Variants in HELZ observed in about 807,000 individuals in gnomAD.
The protein encoded by HELZ is helicase with zinc finger.
In HELZ, 23 loss-of-function variants were observed where a neutral mutation model predicts 218.2. The observed-to-expected ratio is 0.11, with a 90% CI of 0.08 to 0.15. The LOEUF (loss-of-function observed/expected upper bound fraction) is 0.15, where lower values mean the gene tolerates loss of function less well. HELZ is among the 10% of genes least tolerant of loss of function. The pLI, the probability that HELZ is intolerant of heterozygous loss-of-function variation, is 1.00. For synonymous variants in HELZ, 814 were observed against 829.4 expected (o/e 0.98, Z 0.32); for missense variants, 1,813 against 2,353.7 (o/e 0.77, Z 4.75).
At chr17:67,150,712 A>G (rs2038656526) in intron 18 of HELZ, among the ~76,000 whole-genome samples, 2 of 152,210 alleles carry the variant, frequency 1.3e-5, no homozygotes, top group South Asian at 4.1e-4. Context: ...TCAATAATAA[A>G]CATCATCTGA....
At chr17:67,161,941 T>C (rs2039005138) in intron 15 of HELZ, among the ~76,000 whole-genome samples, 1 of 152,098 alleles carries the variant, frequency 6.6e-6, no homozygotes, top group African/African-American at 2.4e-5. Flanking sequence ...GAGAGGGATG[T>C]GAATCAAAAT....
intron 15 of HELZ, among the ~76,000 whole-genome samples, chr17:67,164,653 G>A (rs2039086885): frequency 6.6e-6 from 1 of 152,020 alleles, no homozygotes; most frequent in Admixed American, 6.6e-5. Flanking sequence ...AGATAAGGAG[G>A]CAAATAAGTA....
chr17:67,224,536 G>A (rs2040839196), intron 3 of HELZ: 2 of 388,434 alleles, frequency 5.1e-6, no homozygotes, highest in African/African-American at 2.1e-5. Context: ...CAAATGAGCT[G>A]ATAATTGTCT....
chr17:67,161,922 G>T (rs1203822354), intron 15 of HELZ, among the ~76,000 whole-genome samples: 1 of 151,966 alleles, frequency 6.6e-6, no homozygotes, highest in Non-Finnish European at 1.5e-5. Flanking sequence ...CAACAACTAT[G>T]GTAAAAATGA....
chr17:67,133,906 T>C (rs1489628249), intron 23 of HELZ, among the ~76,000 whole-genome samples: 1 of 152,232 alleles, frequency 6.6e-6, no homozygotes, highest in East Asian at 1.9e-4. Flanking sequence ...TCAAATTGTA[T>C]GTGCTGTCTC....
At chr17:67,096,574 C>T (rs2036755816) in intron 31 of HELZ, among the ~76,000 whole-genome samples, 1 of 152,216 alleles carries the variant, frequency 6.6e-6, no homozygotes, top group Admixed American at 6.5e-5. Context: ...TGCTGTTTCA[C>T]CTTGCACTTT....
At position 67,138,122 on chromosome 17, in the gene HELZ, A is replaced by T. The variant is rs754102914; in HGVS notation, c.2770-8T>A. 1.9e-6 allele frequency: 3 copies of T among 1,605,908 alleles called. No homozygotes were observed. The Admixed American group carries it at 5.0e-5, about 27-fold the overall frequency. On this transcript the variant is annotated splice_region_variant and splice_polypyrimidine_tract_variant and intron_variant, in intron 21 of 32. Coordinates refer to ENST00000358691, the MANE Select transcript of HELZ (RefSeq NM_014877.4). ...TTCCACCACTTCAAACACCTTTAAA[A>T]ACAAACACACACATACATATTAAAG... is the stretch of plus-strand genomic sequence containing the variant.
chr17:67,178,963 GA>G lies in HELZ; in HGVS notation c.1163-38del, dbSNP rs977989510. On this transcript the variant is annotated intron_variant, in intron 12 of 32. Coordinates refer to ENST00000358691, the MANE Select transcript of HELZ (RefSeq NM_014877.4). Reference sequence around the variant, plus strand: ...CAAAAAACACATTTATAAAGAAACAGAACATTAAAATTTTTAAATAACATTA... The same window carrying G: ...CAAAAAACACATTTATAAAGAAACAGACATTAAAATTTTTAAATAACATTA... 3 of 1,420,186 alleles carry G rather than the reference GA, an allele frequency of 2.1e-6. No individual in the cohort carries two copies. In the African/African-American group the frequency reaches 4.3e-5, roughly 20 times the overall value. 88.0% of individuals were successfully genotyped at this position (1,420,186 alleles called of 1,614,324 possible).
At position 67,086,633 on chromosome 17, in the gene HELZ, T is replaced by TATAA. The variant is rs1162931301; in HGVS notation, c.5494+195_5494+196insTTAT. ...ATATATAAATAAATATAAATATAAATATATATATATATATATATATATATA... is the reference window on the plus strand; with the variant it reads ...ATATATAAATAAATATAAATATAAATATAAATATATATATATATATATATATATA... On this transcript the variant is annotated intron_variant, in intron 32 of 32. Transcript: ENST00000358691. Among the ~76,000 whole-genome samples the TATAA allele has an allele frequency of 3.6e-3, 266 of 72,966 alleles. 1 individual carries two copies. The highest frequency in any genetic ancestry group is 0.011 in the African/African-American group (243 of 21,370). The allele number at this position is 72,966 out of a possible 152,430, so 47.9% of individuals were successfully genotyped here.
intron 18 of HELZ, among the ~76,000 whole-genome samples, chr17:67,150,305 C>CT (rs1193465201): frequency 6.6e-6 from 1 of 151,380 alleles, no homozygotes; most frequent in Non-Finnish European, 1.5e-5. Flanking sequence ...AATTTTTGAA[C>CT]TTTTTTGTAG....
intron 3 of HELZ, among the ~76,000 whole-genome samples, chr17:67,237,009 G>T (rs1350537716): frequency 6.6e-6 from 1 of 152,114 alleles, no homozygotes; most frequent in African/African-American, 2.4e-5. Context: ...ATGAACCCGT[G>T]GGAGACAAAT....
intron 2 of HELZ, among the ~76,000 whole-genome samples, chr17:67,241,598 T>G (rs1488509317): frequency 6.6e-6 from 1 of 152,232 alleles, no homozygotes; most frequent in Non-Finnish European, 1.5e-5. Context: ...CCTCTTCCAG[T>G]GAAAACTGGA....
At chr17:67,101,920 T>C (rs1164461763) in intron 31 of HELZ, among the ~76,000 whole-genome samples, 1 of 152,238 alleles carries the variant, frequency 6.6e-6, no homozygotes, top group Non-Finnish European at 1.5e-5. Flanking sequence ...CAATTGGGGA[T>C]GGTCTACTGC....
At position 67,137,909 on chromosome 17, in the gene HELZ, ATTCAT is replaced by A; in HGVS notation, c.2953+17_2953+21del. ...TAGATTTAAGCATTTGAATGACTGAATTCATTTCAATTGACACTTACCTTGAACAT... is the reference window on the plus strand; with the variant it reads ...TAGATTTAAGCATTTGAATGACTGAATTCAATTGACACTTACCTTGAACAT... On this transcript the variant is annotated intron_variant, in intron 22 of 32. Coordinates refer to ENST00000358691, the MANE Select transcript of HELZ (RefSeq NM_014877.4). The A allele has an allele frequency of 1.3e-6, 2 of 1,551,512 alleles. No homozygotes were observed. Among genetic ancestry groups the A allele is most frequent in the South Asian group, 1.2e-5 (1 of 83,306 alleles).
At chr17:67,205,531 T>C (rs2040274698) in intron 5 of HELZ, among the ~76,000 whole-genome samples, 1 of 152,166 alleles carries the variant, frequency 6.6e-6, no homozygotes, top group African/African-American at 2.4e-5. Context: ...ACCTTCCCCT[T>C]CTAAAAATTT....
intron 13 of HELZ, among the ~76,000 whole-genome samples, chr17:67,174,565 G>A (rs907561442): frequency 1.6e-4 from 24 of 152,120 alleles, no homozygotes; most frequent in African/African-American, 4.3e-4. Flanking sequence ...TTGGTAGGCC[G>A]AGGCGGGCAG....
At position 67,175,018 on chromosome 17, in the gene HELZ, T is replaced by C. The variant is rs565749986; in HGVS notation, c.1430+3641A>G. On this transcript the variant is annotated intron_variant, in intron 13 of 32. Transcript: ENST00000358691. ...GAGATGAGTCTATATAAGCATACCA[T>C]TGTCTCCTACCTTTAAATTGGGTCT... Among the ~76,000 whole-genome samples the C allele has an allele frequency of 1.2e-4, 19 of 152,264 alleles. No homozygotes were observed. In the South Asian group the frequency reaches 3.3e-3, roughly 27 times the overall value.
At chr17:67,121,494 C>T (rs2037609574) in intron 26 of HELZ, among the ~76,000 whole-genome samples, 1 of 152,150 alleles carries the variant, frequency 6.6e-6, no homozygotes, top group Non-Finnish European at 1.5e-5. Flanking sequence ...AGTCATTCTC[C>T]TTGGCTGTCA....
At position 67,074,543 on chromosome 17, in the gene HELZ, G is replaced by T. The variant is rs2035970708; in HGVS notation, c.*3709C>A. ...GCTCGCTCTAGCTAAGGGGGCTAGA[G>T]AAACATCTTTTACGTCTGCAGCTTT... On this transcript the variant is annotated 3_prime_UTR_variant, in exon 33 of 33. Transcript: ENST00000358691. 1 of 152,084 alleles carries T rather than the reference G, an allele frequency of 6.6e-6. No individual in the cohort carries two copies. Among genetic ancestry groups the T allele is most frequent in the African/African-American group, 2.4e-5 (1 of 41,440 alleles). 9.4% of individuals were successfully genotyped at this position (152,084 alleles called of 1,614,324 possible).
Sources: allele counts gnomAD v4.1 joint callset (sites outside exome capture counted in the v4.1 genomes callset), GRCh38; gene constraint gnomAD v4.1.1; transcripts MANE v1.5; gene names NCBI Gene and HGNC (gene_info 2026-07-23, HGNC 2026-07-21).